OSBP2: variants seen among roughly 807,000 people sequenced by gnomAD.
OSBP2 encodes the protein oxysterol-binding protein 2.
In OSBP2, 66 loss-of-function variants were observed where a neutral mutation model predicts 96.0. That is an observed-to-expected ratio of 0.69 (90% CI 0.56 to 0.84). OSBP2 has a LOEUF of 0.84. Among genes scored for constraint, OSBP2 ranks in the 40% least tolerant of loss-of-function variants. The pLI, the probability that OSBP2 is intolerant of heterozygous loss-of-function variation, is 0.00. For missense variants in OSBP2, 1,038 were observed against 1,222.7 expected, an observed-to-expected ratio of 0.85 and a Z score of 2.25; for synonymous variants, 525 against 520.9, an observed-to-expected ratio of 1.01 and a Z score of -0.11.
At chr22:30,717,264 A>C (rs1348496634) in intron 1 of OSBP2, among the ~76,000 whole-genome samples, 3 of 151,978 alleles carry the variant, frequency 2.0e-5, no homozygotes, top group Non-Finnish European at 4.4e-5. Context: ...TCTTTAATCC[A>C]TTTTGAGTTA....
At chr22:30,809,390 C>T (rs936334278) in intron 2 of OSBP2, among the ~76,000 whole-genome samples, 35 of 152,204 alleles carry the variant, frequency 2.3e-4, no homozygotes, top group African/African-American at 8.4e-4. Flanking sequence ...TGAGAAGGGC[C>T]TTCCACCAAG....
At chr22:30,746,011 AAT>A (rs1340239243) in intron 2 of OSBP2, among the ~76,000 whole-genome samples, 1 of 152,218 alleles carries the variant, frequency 6.6e-6, no homozygotes, top group Non-Finnish European at 1.5e-5. Flanking sequence ...GAAGAAATAA[AAT>A]ATCTTAGCAG....
intron 1 of OSBP2, among the ~76,000 whole-genome samples, chr22:30,720,222 A>C (rs1252283966): frequency 6.6e-6 from 1 of 152,202 alleles, no homozygotes; most frequent in Non-Finnish European, 1.5e-5. Flanking sequence ...TAGCACTGTA[A>C]GACAACAATA....
chr22:30,695,114 G>A lies in OSBP2; in HGVS notation c.205G>A (p.Val69Met), dbSNP rs1194930447. ...EPERGPLSEQ[V>M]SEAVSEAVPR... Reference sequence around the variant, plus strand: ...GGAGCGGGGACCGCTGTCAGAACAGGTGTCGGAGGCAGTTTCGGAGGCAGT... The same window carrying A: ...GGAGCGGGGACCGCTGTCAGAACAGATGTCGGAGGCAGTTTCGGAGGCAGT... The change falls in exon 1 of 14, where the codon GTG becomes ATG. Residue 69 changes from valine to methionine, a missense_variant. Coordinates refer to ENST00000332585, the MANE Select transcript of OSBP2 (RefSeq NM_030758.4). 1 of 1,592,664 alleles carries A rather than the reference G, an allele frequency of 6.3e-7. No individual in the cohort carries two copies. Among genetic ancestry groups the A allele is most frequent in the African/African-American group, 1.3e-5 (1 of 74,502 alleles).
chr22:30,865,190 A>AG (rs1415437122), intron 2 of OSBP2, among the ~76,000 whole-genome samples: 3 of 152,236 alleles, frequency 2.0e-5, no homozygotes, highest in African/African-American at 7.2e-5. Context: ...CCCAGCCCTG[A>AG]GGGGGTGCCC....
At chr22:30,888,164 G>A in intron 4 of OSBP2, 59 bp from the exon 5 acceptor site, 2 of 1,143,658 alleles carry the variant, frequency 1.7e-6, no homozygotes, top group South Asian at 2.5e-5. Context: ...TCTGGACTTA[G>A]GGAGGCGAGA....
At chr22:30,898,132 G>A (rs912819965) in intron 12 of OSBP2, among the ~76,000 whole-genome samples, 3 of 152,016 alleles carry the variant, frequency 2.0e-5, no homozygotes, top group South Asian at 2.1e-4. Context: ...TTAAAAATAA[G>A]AGCAAGAGCA....
intron 1 of OSBP2, among the ~76,000 whole-genome samples, chr22:30,718,941 G>C (rs962219809): frequency 1.3e-5 from 2 of 152,140 alleles, no homozygotes; most frequent in African/African-American, 2.4e-5. Context: ...CACCTTCTTT[G>C]AATTTTTTAT....
chr22:30,843,463 AAT>A (rs1186707502), intron 2 of OSBP2, among the ~76,000 whole-genome samples: 1 of 142,944 alleles, frequency 7.0e-6, no homozygotes, highest in Non-Finnish European at 1.5e-5. Flanking sequence ...CCCCTTGAGC[AAT>A]AGGTCCTGAC....
chr22:30,733,169 T>G (rs2089804702), intron 1 of OSBP2, among the ~76,000 whole-genome samples: 1 of 152,192 alleles, frequency 6.6e-6, no homozygotes, highest in Non-Finnish European at 1.5e-5. Flanking sequence ...GGTTCCGTGT[T>G]GGTTTCTACT....
intron 2 of OSBP2, among the ~76,000 whole-genome samples, chr22:30,819,373 C>T (rs769357437): frequency 1.3e-4 from 19 of 151,980 alleles, no homozygotes; most frequent in Admixed American, 3.3e-4. Flanking sequence ...CTCACAGGAG[C>T]GGGGCTGGGG....
intron 2 of OSBP2, among the ~76,000 whole-genome samples, chr22:30,820,666 G>A (rs2038254394): frequency 6.6e-6 from 1 of 152,140 alleles, no homozygotes; most frequent in Non-Finnish European, 1.5e-5. Flanking sequence ...TATCAAACAA[G>A]GCTTTTCTGT....
chr22:30,724,960 T>G (rs530133384), intron 1 of OSBP2, among the ~76,000 whole-genome samples: 8 of 144,070 alleles, frequency 5.6e-5, no homozygotes, highest in African/African-American at 1.8e-4. Context: ...GATCACGAGG[T>G]CAGGAGATCG....
At chr22:30,734,949 G>A (rs2089827881) in intron 1 of OSBP2, among the ~76,000 whole-genome samples, 2 of 152,308 alleles carry the variant, frequency 1.3e-5, no homozygotes, top group South Asian at 4.1e-4. Flanking sequence ...CTAGCACTTT[G>A]GAAAGCCAAG....
intron 3 of OSBP2, among the ~76,000 whole-genome samples, chr22:30,886,790 CAG>C (rs1379000324): frequency 1.3e-5 from 2 of 152,086 alleles, no homozygotes; most frequent in Admixed American, 6.6e-5. Flanking sequence ...TAAAAAATAT[CAG>C]AGCTTAGTCC....
intron 2 of OSBP2, among the ~76,000 whole-genome samples, chr22:30,767,138 C>CAAAAAAAAAAA (rs1156950666): frequency 5.4e-4 from 42 of 78,354 alleles, no homozygotes; most frequent in Non-Finnish European, 6.0e-4. Context: ...ACTAAAAATA[C>CAAAAAAAAAAA]AAAAAAAAAA....
chr22:30,764,413 C>T (rs1455839094), intron 2 of OSBP2: 1 of 984,508 alleles, frequency 1.0e-6, no homozygotes, highest in African/African-American at 1.7e-5. Flanking sequence ...GAAGAATTTC[C>T]TCCTGTTCCT....
intron 2 of OSBP2, among the ~76,000 whole-genome samples, chr22:30,774,933 A>T (rs1270115228): frequency 6.6e-6 from 1 of 152,228 alleles, no homozygotes; most frequent in Non-Finnish European, 1.5e-5. Flanking sequence ...ATTTCTATGC[A>T]TGTAGATATA....
At chr22:30,710,383 C>T (rs2089327901) in intron 1 of OSBP2, among the ~76,000 whole-genome samples, 1 of 152,188 alleles carries the variant, frequency 6.6e-6, no homozygotes, top group Non-Finnish European at 1.5e-5. Context: ...TTTTCTTAAG[C>T]ATCATTACCT....
Sources: allele counts gnomAD v4.1 joint callset (sites outside exome capture counted in the v4.1 genomes callset), GRCh38; gene constraint gnomAD v4.1.1; transcripts MANE v1.5; gene names NCBI Gene and HGNC (gene_info 2026-07-23, HGNC 2026-07-21).